Variants in SGTA observed in about 807,000 individuals in gnomAD.
SGTA encodes the protein small glutamine rich tetratricopeptide repeat co-chaperone alpha.
In SGTA, 22 loss-of-function variants were observed where a neutral mutation model predicts 44.3. The observed-to-expected ratio is 0.50, with a 90% CI of 0.36 to 0.71. The LOEUF is 0.71. SGTA is among the 30% of genes least tolerant of loss of function. The pLI is 0.00. For missense variants in SGTA, 341 were observed against 435.9 expected, an observed-to-expected ratio of 0.78 and a Z score of 1.94; for synonymous variants, 174 against 177.6, an observed-to-expected ratio of 0.98 and a Z score of 0.16.
Position 2,765,833 on chromosome 19 carries a change from T to G in SGTA, c.293-548A>C, listed in dbSNP as rs1258519430. 6.6e-6 allele frequency among the ~76,000 whole-genome samples: 1 copy of G among 151,546 alleles called. No individual in the cohort carries two copies. The highest frequency in any genetic ancestry group is 1.5e-5 in the Non-Finnish European group (1 of 68,012). Reference sequence around the variant, plus strand: ...CCCACTCCCGCCCCCGAGATCCCAATTCAGGAGGGCGTGGGGGGAAGATGG... The same window carrying G: ...CCCACTCCCGCCCCCGAGATCCCAAGTCAGGAGGGCGTGGGGGGAAGATGG... On this transcript the variant is annotated intron_variant, in intron 4 of 11. Coordinates refer to ENST00000221566, the MANE Select transcript of SGTA (RefSeq NM_003021.4). This position sits in a 1 kb window ranked among gnomAD's most constrained non-coding sequence, Gnocchi z 5.5.
chr19:2,763,670 C>A lies in SGTA; in HGVS notation c.480G>T (p.Lys160Asn). The A allele has an allele frequency of 6.2e-7, 1 of 1,613,266 alleles. No individual in the cohort carries two copies. The highest frequency in any genetic ancestry group is 8.5e-7 in the Non-Finnish European group (1 of 1,179,622). ...GCACTCACCCCATCCTGCCGTAGGC[C>A]TTGCTGTAGGCCGGGTCAATGCAGA... is the stretch of plus-strand genomic sequence containing the variant. ...RAICIDPAYS[K>N]AYGRMGLALS... Residue 160 changes from lysine to asparagine, a missense_variant, in exon 6 of 12, where the codon AAG becomes AAT. Coordinates refer to ENST00000221566, the MANE Select transcript of SGTA (RefSeq NM_003021.4). The surrounding 1 kb of genome is among the most constrained non-coding windows in gnomAD (Gnocchi z 5.8).
intron 1 of SGTA, among the ~76,000 whole-genome samples, chr19:2,772,258 G>A (rs1332226500): frequency 6.6e-6 from 1 of 152,264 alleles, no homozygotes; most frequent in Non-Finnish European, 1.5e-5. Context: ...GGATGGACGA[G>A]GAAGGGCGAG....
rs1307632938 is a variant in SGTA, at chr19:2,763,149, GCCCCTCCCCAGCCT to G, written c.497+490_497+503del. 1.3e-5 allele frequency among the ~76,000 whole-genome samples: 2 copies of G among 152,162 alleles called. No individual in the cohort carries two copies. The highest frequency in any genetic ancestry group is 3.9e-4 in the East Asian group (2 of 5,172). Reference sequence around the variant, plus strand: ...TGGGGAGACTGGGCAGTTGAACAGGGCCCCTCCCCAGCCTCTGGGGAGACCCAATCCCACAAACT... The same window carrying G: ...TGGGGAGACTGGGCAGTTGAACAGGGCTGGGGAGACCCAATCCCACAAACT... On this transcript the variant is annotated intron_variant, in intron 6 of 11. Coordinates refer to ENST00000221566, the MANE Select transcript of SGTA (RefSeq NM_003021.4). The surrounding 1 kb of genome is among the most constrained non-coding windows in gnomAD (Gnocchi z 5.8).
At chr19:2,768,935 C>T (rs766707003) in intron 2 of SGTA, 34 bp downstream of exon 2, 61 of 1,520,792 alleles carry the variant, frequency 4.0e-5, no homozygotes, top group Admixed American at 2.5e-4. Flanking sequence ...GGCCGCTGCC[C>T]GGGGAGAGGG....
chr19:2,763,816 C>G lies in SGTA; in HGVS notation c.393-59G>C. 1 of 1,390,246 alleles carries G rather than the reference C, an allele frequency of 7.2e-7. No homozygotes were observed. The highest frequency in any genetic ancestry group is 1.0e-6 in the Non-Finnish European group (1 of 995,832). The allele number at this position is 1,390,246 out of a possible 1,614,324, so 86.1% of individuals were successfully genotyped here. A position where few individuals can be genotyped will look rare whatever the true frequency, so the allele number is the denominator to read the frequency against. On this transcript the variant is annotated intron_variant, in intron 5 of 11. Coordinates refer to ENST00000221566, the MANE Select transcript of SGTA (RefSeq NM_003021.4). This position sits in a 1 kb window ranked among gnomAD's most constrained non-coding sequence, Gnocchi z 5.8. Reference sequence around the variant, plus strand: ...GGCGGCTCTGAGCCCAGCGGGCAGCCCTTGAGGGGAGCCTGAGAGCTGCGT... The same window carrying G: ...GGCGGCTCTGAGCCCAGCGGGCAGCGCTTGAGGGGAGCCTGAGAGCTGCGT...
At chr19:2,760,319 C>A (rs185213245) in intron 8 of SGTA, among the ~76,000 whole-genome samples, 158 of 151,902 alleles carry the variant, frequency 1.0e-3, no homozygotes, top group African/African-American at 3.7e-3. Context: ...GAGTTCGAGA[C>A]CAGCCTGGCA....
At chr19:2,770,682 C>A in intron 1 of SGTA, 1 of 152,768 alleles carries the variant, frequency 6.5e-6, no homozygotes, top group South Asian at 2.0e-4. Flanking sequence ...GAGATGAGGT[C>A]GCTGTGGTGG....
intron 9 of SGTA, 86 bp downstream of exon 9, chr19:2,759,171 T>G (rs1914913532): frequency 1.6e-6 from 2 of 1,216,324 alleles, no homozygotes; most frequent in African/African-American, 3.0e-5. Context: ...CACTTTAAAG[T>G]GGTTAGTTTT....
In SGTA at chr19:2,765,994, G is replaced by T. The variant is rs200063165; in HGVS notation, c.293-709C>A. Among the ~76,000 whole-genome samples the T allele has an allele frequency of 1.3e-5, 2 of 152,122 alleles. No homozygotes were observed. The highest frequency in any genetic ancestry group is 2.9e-5 in the Non-Finnish European group (2 of 68,032). ...AGCACTTTGGGAGGCCGACGCAGGC[G>T]GATCGCAAGATCAGGAGACCAAGAC... is the stretch of plus-strand genomic sequence containing the variant. On this transcript the variant is annotated intron_variant, in intron 4 of 11. Coordinates refer to ENST00000221566, the MANE Select transcript of SGTA (RefSeq NM_003021.4). The surrounding 1 kb of genome is among the most constrained non-coding windows in gnomAD (Gnocchi z 5.5).
chr19:2,782,724 G>A (rs989752117), intron 1 of SGTA: 1 of 152,146 alleles, frequency 6.6e-6, no homozygotes, highest in Admixed American at 6.5e-5. Context: ...TGGACCCTGC[G>A]GCTCTCCTTC....
At position 2,768,000 on chromosome 19, in the gene SGTA, C is replaced by A. The variant is rs1485465234; in HGVS notation, c.101-314G>T. ...CTGCCCGGCTGCGGCGTGGTGGGGGCTTGGCCCCACCTGGAGGGCCACGTC... is the reference window on the plus strand; with the variant it reads ...CTGCCCGGCTGCGGCGTGGTGGGGGATTGGCCCCACCTGGAGGGCCACGTC... On this transcript the variant is annotated intron_variant, in intron 2 of 11. Transcript: ENST00000221566. This position sits in a 1 kb window ranked among gnomAD's most constrained non-coding sequence, Gnocchi z 7.3. Among the ~76,000 whole-genome samples, 1 of 152,170 alleles carries A rather than the reference C, an allele frequency of 6.6e-6. No homozygotes were observed. The highest frequency in any genetic ancestry group is 1.5e-5 in the Non-Finnish European group (1 of 68,014).
At chr19:2,759,031 T>G (rs1914910098) in intron 9 of SGTA, among the ~76,000 whole-genome samples, 1 of 151,846 alleles carries the variant, frequency 6.6e-6, no homozygotes, top group South Asian at 2.1e-4. Flanking sequence ...TCGGAGGTGA[T>G]GAAGATGGGT....
At chr19:2,777,990 C>T (rs1428855103) in intron 1 of SGTA, 1 of 143,950 alleles carries the variant, frequency 6.9e-6, no homozygotes, top group Non-Finnish European at 1.5e-5. Context: ...GCACGCCAGT[C>T]TGGGTGACAA....
At chr19:2,757,667 G>A (rs773955826) in intron 10 of SGTA, 26 bp downstream of exon 10, 20 of 1,526,842 alleles carry the variant, frequency 1.3e-5, no homozygotes, top group South Asian at 8.9e-5. Flanking sequence ...CACGTCCTCC[G>A]TCCTCTTGGA....
Position 2,769,073 on chromosome 19 carries a change from A to G in SGTA, c.-5T>C, listed in dbSNP as rs773263194. 9 of 1,612,992 alleles carry G rather than the reference A, an allele frequency of 5.6e-6. No homozygotes were observed. In the South Asian group the frequency reaches 9.9e-5, roughly 18 times the overall value. ...CAGGCGCTTCTTGTTGTCCATCTTG[A>G]GCCCAGAAGAGGTGATACCTGGGGG... On this transcript the variant is annotated 5_prime_UTR_variant, in exon 2 of 12. Coordinates refer to ENST00000221566, the MANE Select transcript of SGTA (RefSeq NM_003021.4).
intron 11 of SGTA, 109 bp from the exon 12 acceptor site, chr19:2,756,042 C>T (rs370628319): frequency 1.9e-4 from 106 of 571,334 alleles, no homozygotes; most frequent in Non-Finnish European, 2.2e-4. Context: ...GGGGCCACAG[C>T]GGCTATTTCA....
At chr19:2,758,810 G>A (rs116913805) in intron 9 of SGTA, among the ~76,000 whole-genome samples, 3,042 of 152,338 alleles carry the variant, frequency 0.02, 51 homozygotes, top group Middle Eastern at 0.031. Flanking sequence ...ATGAAAAGGA[G>A]CGAGGCCCTG....
In SGTA at chr19:2,763,661, G is replaced by T; in HGVS notation, c.489C>A (p.Gly163=). 1.2e-6 allele frequency: 2 copies of T among 1,612,030 alleles called. No homozygotes were observed. Among genetic ancestry groups the T allele is most frequent in the South Asian group, 2.2e-5 (2 of 90,990 alleles). Residue 163 remains glycine (G), a synonymous_variant, in exon 6 of 12, where the codon GGC becomes GGA. Coordinates refer to ENST00000221566, the MANE Select transcript of SGTA (RefSeq NM_003021.4). This position sits in a 1 kb window ranked among gnomAD's most constrained non-coding sequence, Gnocchi z 5.8. The stretch of plus-strand genomic sequence containing the variant: ...CGTGGACAGGCACTCACCCCATCCT[G>T]CCGTAGGCCTTGCTGTAGGCCGGGT... ...CIDPAYSKAY[G]RMGLALSSLN... is the part of the protein sequence containing the mutation.
intron 1 of SGTA, among the ~76,000 whole-genome samples, chr19:2,774,278 G>T (rs1323739734): frequency 6.6e-6 from 1 of 152,168 alleles, no homozygotes; most frequent in Non-Finnish European, 1.5e-5. Context: ...GGGCAGGGAC[G>T]CGTGGTCGCA....
Sources: allele counts gnomAD v4.1 joint callset (sites outside exome capture counted in the v4.1 genomes callset), GRCh38; gene constraint gnomAD v4.1.1; non-coding constraint Gnocchi (gnomAD v3.1); transcripts MANE v1.5; gene names NCBI Gene and HGNC (gene_info 2026-07-23, HGNC 2026-07-21).